Variants in EPB41L4A observed in about 807,000 individuals in gnomAD.
The protein encoded by EPB41L4A is erythrocyte membrane protein band 4.1 like 4A.
EPB41L4A carries 100 observed loss-of-function variants against 108.6 expected under a neutral mutation model. The ratio of observed to expected loss-of-function variants is 0.92; its 90% CI spans 0.78 to 1.09. The LOEUF is 1.09. Among genes scored for constraint, EPB41L4A ranks in the 50% least tolerant of loss-of-function variants. The pLI, the probability that EPB41L4A is intolerant of heterozygous loss-of-function variation, is 0.00. For missense variants in EPB41L4A, 1,030 were observed against 842.7 expected (o/e 1.22, Z -2.75); for synonymous variants, 319 against 289.0 (o/e 1.10, Z -1.05).
intron 1 of EPB41L4A, among the ~76,000 whole-genome samples, chr5:112,364,725 C>G (rs781716135): frequency 2.4e-4 from 37 of 152,150 alleles, no homozygotes; most frequent in Admixed American, 1.3e-4. Context: ...TCTTTTCAGC[C>G]TTTAAGTGCT....
intron 12 of EPB41L4A, among the ~76,000 whole-genome samples, chr5:112,231,343 T>C (rs1473966727): frequency 6.6e-6 from 1 of 152,216 alleles, no homozygotes; most frequent in Non-Finnish European, 1.5e-5. Flanking sequence ...CAAAAGGCTG[T>C]ATAATACAGT....
At chr5:112,146,142 A>G (rs1759247391) in intron 12 of EPB41L4A, 2 of 299,334 alleles carry the variant, frequency 6.7e-6, no homozygotes, top group South Asian at 2.8e-5. Flanking sequence ...ATTGTAGACC[A>G]AAGTTTATTG....
intron 1 of EPB41L4A, among the ~76,000 whole-genome samples, chr5:112,313,133 G>C (rs1390217649): frequency 1.3e-5 from 2 of 152,178 alleles, no homozygotes; most frequent in Admixed American, 1.3e-4. Context: ...TTATCTTTCA[G>C]AATTCCAGAA....
At chr5:112,343,595 C>T (rs938076008) in intron 1 of EPB41L4A, among the ~76,000 whole-genome samples, 2 of 152,192 alleles carry the variant, frequency 1.3e-5, no homozygotes, top group Admixed American at 6.5e-5. Context: ...ATCATCATTA[C>T]CACCACCACC....
intron 3 of EPB41L4A, among the ~76,000 whole-genome samples, chr5:112,276,951 G>C (rs1752662714): frequency 6.6e-6 from 1 of 152,142 alleles, no homozygotes; most frequent in South Asian, 2.1e-4. Context: ...GAAACTGCTA[G>C]AATTTCTTAT....
intron 2 of EPB41L4A, among the ~76,000 whole-genome samples, chr5:112,303,386 T>C (rs1258892130): frequency 2.0e-5 from 3 of 152,126 alleles, no homozygotes; most frequent in Non-Finnish European, 2.9e-5. Flanking sequence ...TTAGTTTAGA[T>C]GGTTAAGGAA....
At chr5:112,228,740 T>C in intron 12 of EPB41L4A, 1 of 985,454 alleles carries the variant, frequency 1.0e-6, no homozygotes, top group Non-Finnish European at 1.2e-6. Context: ...GAGAGAGGGT[T>C]GTAACAGGAG....
intron 1 of EPB41L4A, among the ~76,000 whole-genome samples, chr5:112,345,086 T>TA (rs1561590494): frequency 6.6e-6 from 1 of 152,246 alleles, no homozygotes; most frequent in African/African-American, 2.4e-5. Context: ...GACTTGGTAT[T>TA]ACTCTTTTCA....
At chr5:112,216,485 T>C (rs1338319042) in intron 12 of EPB41L4A, among the ~76,000 whole-genome samples, 1 of 152,156 alleles carries the variant, frequency 6.6e-6, no homozygotes, top group Admixed American at 6.5e-5. Context: ...GAAAATAACA[T>C]ACAGCTAAAC....
chr5:112,241,943 A>G (rs1363118113), intron 9 of EPB41L4A, among the ~76,000 whole-genome samples: 5 of 152,230 alleles, frequency 3.3e-5, no homozygotes, highest in African/African-American at 1.2e-4. Context: ...TTAAAAAAAC[A>G]TATATACTAT....
intron 1 of EPB41L4A, among the ~76,000 whole-genome samples, chr5:112,410,403 G>A (rs1762339597): frequency 6.6e-6 from 1 of 152,320 alleles, no homozygotes; most frequent in African/African-American, 2.4e-5. Context: ...GGAAGCAGGG[G>A]CCTTGCAGGG....
At chr5:112,247,846 G>A (rs1685233732) in intron 9 of EPB41L4A, among the ~76,000 whole-genome samples, 2 of 152,090 alleles carry the variant, frequency 1.3e-5, no homozygotes, top group Non-Finnish European at 2.9e-5. Flanking sequence ...GTATGTGACT[G>A]TATCCTTTTA....
intron 9 of EPB41L4A, among the ~76,000 whole-genome samples, chr5:112,243,296 G>A (rs868850038): frequency 7.2e-6 from 1 of 138,632 alleles, no homozygotes; most frequent in African/African-American, 3.1e-5. Flanking sequence ...TATATATTTT[G>A]TTTGTTTGTT....
intron 17 of EPB41L4A, among the ~76,000 whole-genome samples, chr5:112,192,485 C>T (rs1406011666): frequency 6.6e-6 from 1 of 152,166 alleles, no homozygotes; most frequent in Non-Finnish European, 1.5e-5. Flanking sequence ...TTGCATGAAA[C>T]GTGTCGGAAT....
intron 12 of EPB41L4A, among the ~76,000 whole-genome samples, chr5:112,229,835 A>G (rs1748740936): frequency 6.6e-6 from 1 of 152,018 alleles, no homozygotes; most frequent in Non-Finnish European, 1.5e-5. Flanking sequence ...GAAAATACAA[A>G]AAGTTAGCCA....
chr5:112,223,403 A>G (rs774919065), intron 12 of EPB41L4A, among the ~76,000 whole-genome samples: 3 of 152,196 alleles, frequency 2.0e-5, no homozygotes, highest in Non-Finnish European at 2.9e-5. Flanking sequence ...AGAGTTTTCA[A>G]AGTCTGAAGA....
intron 15 of EPB41L4A, among the ~76,000 whole-genome samples, chr5:112,201,853 G>A (rs1462559878): frequency 2.6e-5 from 4 of 152,134 alleles, no homozygotes; most frequent in South Asian, 2.1e-4. Flanking sequence ...TGTACAGGCT[G>A]GGATTCCAAT....
chr5:112,170,168 G>T, intron 20 of EPB41L4A, 133 bp downstream of exon 20: 3 of 807,616 alleles, frequency 3.7e-6, no homozygotes, highest in Non-Finnish European at 6.0e-6. Context: ...TTCCTCTTTC[G>T]CTACTGTCAC....
chr5:112,326,129 G>A (rs1003254689), intron 1 of EPB41L4A, among the ~76,000 whole-genome samples: 1 of 152,060 alleles, frequency 6.6e-6, no homozygotes, highest in Non-Finnish European at 1.5e-5. Context: ...CAGCCTGGGA[G>A]ACACAGTGAG....
Sources: allele counts gnomAD v4.1 joint callset (sites outside exome capture counted in the v4.1 genomes callset), GRCh38; gene constraint gnomAD v4.1.1; transcripts MANE v1.5; gene names NCBI Gene and HGNC (gene_info 2026-07-23, HGNC 2026-07-21).